The following ZNF518A variants were observed in gnomAD, a reference collection of about 807,000 sequenced individuals.
The protein encoded by ZNF518A is zinc finger protein 518A.
In ZNF518A, 47 loss-of-function variants were observed where a neutral mutation model predicts 102.7. The ratio of observed to expected loss-of-function variants is 0.46; its 90% confidence interval spans 0.36 to 0.58. The LOEUF (loss-of-function observed/expected upper bound fraction) is 0.58. ZNF518A is among the 20% of genes least tolerant of loss of function. ZNF518A has a pLI of 0.00. For synonymous variants in ZNF518A, 652 were observed against 594.6 expected, an observed-to-expected ratio of 1.10 and a Z score of -1.40; for missense variants, 1,793 against 1,699.8, an observed-to-expected ratio of 1.05 and a Z score of -0.96.
intron 3 of ZNF518A, among the ~76,000 whole-genome samples, chr10:96,148,978 G>A (rs2082303969): frequency 6.6e-6 from 1 of 151,996 alleles, no homozygotes; most frequent in South Asian, 2.1e-4. Flanking sequence ...GCCTCCCAGA[G>A]TGCTGGGATT....
chr10:96,156,642 A>G lies in ZNF518A; in HGVS notation c.320A>G (p.Glu107Gly). The change falls in exon 6 of 6, where the codon GAA becomes GGA. Residue 107 changes from glutamate to glycine, a missense_variant. Around this residue, in one of 3 missense-constraint regions of ZNF518A, gnomAD observed 1,741 missense variants for 1,622.6 expected, o/e 1.07. Coordinates refer to ENST00000316045, the MANE Select transcript of ZNF518A (RefSeq NM_001330736.2). ...CTTCATAAGTCTGAGAGAGCTGAAG[A>G]AGAGGGTGTAAAAATGTCTGCAAAA... ...TLLHKSERAE[E>G]EGVKMSAKIL... is the part of the protein sequence containing the mutation. 6.2e-7 allele frequency: 1 copy of G among 1,613,874 alleles called. No individual in the cohort carries two copies. Among genetic ancestry groups the G allele is most frequent in the Non-Finnish European group, 8.5e-7 (1 of 1,179,782 alleles).
At chr10:96,185,556 GTCAGT>G (rs1423650814) in intron 1 of ZNF518A, among the ~76,000 whole-genome samples, 35 of 152,182 alleles carry the variant, frequency 2.3e-4, no homozygotes, top group African/African-American at 8.2e-4. Flanking sequence ...TCCTTGAACA[GTCAGT>G]CCCCTCAGCT....
intron 3 of ZNF518A, among the ~76,000 whole-genome samples, chr10:96,153,589 A>G (rs1455393255): frequency 1.3e-5 from 2 of 152,348 alleles, no homozygotes; most frequent in East Asian, 3.9e-4. Context: ...AAAGATTGAC[A>G]TTCAGCTTTA....
Position 96,159,416 on chromosome 10 carries a change from G to T in ZNF518A, c.3094G>T (p.Gly1032Cys). Residue 1032 changes from glycine (G) to cysteine (C), a missense_variant, in exon 6 of 6, where the codon GGC becomes TGC. By Grantham distance (159) the Gly-to-Cys change is radical. This residue lies in a region of ZNF518A where 1,741 missense variants were observed against 1,622.6 expected (regional missense o/e 1.07). Transcript: ENST00000316045. Reference sequence around the variant, plus strand: ...TACACCTGGACTTTGTTCCAGCATTGGCAGTTGTTTGAGCATGAAAAGTAG... The same window carrying T: ...TACACCTGGACTTTGTTCCAGCATTTGCAGTTGTTTGAGCATGAAAAGTAG... ...CLTPGLCSSIGSCLSMKSSSE... is the reference protein window; with the variant it reads ...CLTPGLCSSICSCLSMKSSSE... The T allele has an allele frequency of 6.2e-7, 1 of 1,613,756 alleles. No individual in the cohort carries two copies. Among genetic ancestry groups the T allele is most frequent in the South Asian group, 1.1e-5 (1 of 91,082 alleles).
In ZNF518A at chr10:96,160,854, T is replaced by C. The variant is rs2082972224; in HGVS notation, c.*80T>C. The C allele has an allele frequency of 4.3e-6, 6 of 1,384,368 alleles. No individual in the cohort carries two copies. In the South Asian group the frequency reaches 8.3e-5, roughly 19 times the overall value. 85.8% of individuals were successfully genotyped at this position (1,384,368 alleles called of 1,614,324 possible). A position where few individuals can be genotyped will look rare whatever the true frequency, so the allele number is the denominator to read the frequency against. On this transcript the variant is annotated 3_prime_UTR_variant, in exon 6 of 6. Coordinates refer to ENST00000316045, the MANE Select transcript of ZNF518A (RefSeq NM_001330736.2). ...GGGTTCAGTTACCATAATGCAGACA[T>C]TTTCTACTTCAGTATAGTACCTGAA...
chr10:96,156,644 G>A lies in ZNF518A; in HGVS notation c.322G>A (p.Glu108Lys), dbSNP rs1195144808. Residue 108 changes from glutamate (E) to lysine (K), a missense_variant, in exon 6 of 6, where the codon GAG (glutamate) becomes AAG (lysine). Physicochemically the swap from Glu to Lys is moderately conservative, Grantham distance 56. This residue lies in a region of ZNF518A where 1,741 missense variants were observed against 1,622.6 expected (regional missense o/e 1.07). Transcript: ENST00000316045. ...LLHKSERAEE[E>K]GVKMSAKILN... Reference sequence around the variant, plus strand: ...TCATAAGTCTGAGAGAGCTGAAGAAGAGGGTGTAAAAATGTCTGCAAAAAT... The same window carrying A: ...TCATAAGTCTGAGAGAGCTGAAGAAAAGGGTGTAAAAATGTCTGCAAAAAT... 6.2e-7 allele frequency: 1 copy of A among 1,613,866 alleles called. No individual in the cohort carries two copies. The highest frequency in any genetic ancestry group is 1.3e-5 in the African/African-American group (1 of 75,050).
chr10:96,159,690 T>A lies in ZNF518A; in HGVS notation c.3368T>A (p.Val1123Asp). 1 of 1,613,278 alleles carries A rather than the reference T, an allele frequency of 6.2e-7. No homozygotes were observed. The highest frequency in any genetic ancestry group is 8.5e-7 in the Non-Finnish European group (1 of 1,179,764). Residue 1123 changes from valine (V) to aspartate (D), a missense_variant, in exon 6 of 6, where the codon GTC (valine) becomes GAC (aspartate). This residue lies in a region of ZNF518A where 1,741 missense variants were observed against 1,622.6 expected (regional missense o/e 1.07). Transcript: ENST00000316045. Reference sequence around the variant, plus strand: ...ACTGAGCTGCTTAAGCCCAAATTAGTCCAAAATAGTACTTATCAAAATATA... The same window carrying A: ...ACTGAGCTGCTTAAGCCCAAATTAGACCAAAATAGTACTTATCAAAATATA... ...NKTELLKPKL[V>D]QNSTYQNIQP...
At chr10:96,201,936 G>A (rs1554896296) in intron 1 of ZNF518A, among the ~76,000 whole-genome samples, 3 of 152,128 alleles carry the variant, frequency 2.0e-5, no homozygotes, top group African/African-American at 7.2e-5. Context: ...ATGCTATGAA[G>A]AAAAATAAAT....
chr10:96,170,127 G>C (rs968706657), intron 1 of ZNF518A, among the ~76,000 whole-genome samples: 2 of 152,106 alleles, frequency 1.3e-5, no homozygotes, highest in African/African-American at 4.8e-5. Flanking sequence ...TACAGCCCTG[G>C]GCATGAGTGT....
Position 96,201,067 on chromosome 10 carries a change from G to T in ZNF518A, n.36-2507G>T, listed in dbSNP as rs2083619954. ...TCCCCCTTCTGTAAATCCTGAAAGG[G>T]ATCAGAAAAGTCCTTCAATTAATCT... On this transcript the variant is annotated intron_variant and non_coding_transcript_variant, in intron 1 of 2. Coordinates refer to the ZNF518A transcript ENST00000442635. The T allele has an allele frequency of 1.2e-6, 2 of 1,611,144 alleles. No homozygotes were observed. Among genetic ancestry groups the T allele is most frequent in the Non-Finnish European group, 8.5e-7 (1 of 1,177,308 alleles).
Position 96,158,193 on chromosome 10 carries a change from A to G in ZNF518A, c.1871A>G (p.Asn624Ser). 6.2e-7 allele frequency: 1 copy of G among 1,613,726 alleles called. No individual in the cohort carries two copies. Among genetic ancestry groups the G allele is most frequent in the Non-Finnish European group, 8.5e-7 (1 of 1,179,740 alleles). ...DMHNYCINYGNCELPVESSNQ... is the reference protein window; with the variant it reads ...DMHNYCINYGSCELPVESSNQ... ...CATAATTATTGCATTAATTATGGCA[A>G]CTGTGAGTTACCTGTTGAATCCTCC... The change falls in exon 6 of 6, where the codon AAC (asparagine) becomes AGC (serine). Residue 624 changes from asparagine (N) to serine (S), a missense_variant. Asn to Ser is a conservative substitution (Grantham distance 46). Transcript: ENST00000316045.
At chr10:96,148,016 T>C (rs2133509700) in intron 3 of ZNF518A, among the ~76,000 whole-genome samples, 1 of 152,328 alleles carries the variant, frequency 6.6e-6, no homozygotes, top group East Asian at 1.9e-4. Context: ...ACCTTTACCT[T>C]ATAGCCCTTC....
At chr10:96,197,098 T>C in intron 1 of ZNF518A, 1 of 1,538,398 alleles carries the variant, frequency 6.5e-7, no homozygotes, top group Non-Finnish European at 8.9e-7. Context: ...TAATTATGGT[T>C]AGTATTACTT....
At chr10:96,185,748 G>C (rs782008117) in intron 1 of ZNF518A, among the ~76,000 whole-genome samples, 2 of 152,204 alleles carry the variant, frequency 1.3e-5, no homozygotes, top group Non-Finnish European at 2.9e-5. Context: ...GTGTCTCCCA[G>C]TTAGGCTACA....
chr10:96,204,129 A>G (rs1554896869), exon 3 of ZNF518A: 3 of 1,610,982 alleles, frequency 1.9e-6, no homozygotes, highest in East Asian at 2.2e-5. Context: ...ACAAAGCACA[A>G]TATGAGTAAG....
intron 1 of ZNF518A, among the ~76,000 whole-genome samples, chr10:96,198,627 A>T (rs1027376758): frequency 1.3e-5 from 2 of 152,200 alleles, no homozygotes; most frequent in African/African-American, 4.8e-5. Flanking sequence ...TTCAAACTCA[A>T]ATTAAGGATT....
chr10:96,143,242 C>A (rs1444058765), intron 3 of ZNF518A, among the ~76,000 whole-genome samples: 4 of 151,904 alleles, frequency 2.6e-5, no homozygotes. Flanking sequence ...TGTCTAGTAC[C>A]CTTCTAATAT....
At chr10:96,175,234 A>C (rs2083195994) in intron 1 of ZNF518A, among the ~76,000 whole-genome samples, 1 of 152,228 alleles carries the variant, frequency 6.6e-6, no homozygotes, top group Admixed American at 6.5e-5. Context: ...ATATAGATGC[A>C]ATAAAGACTA....
chr10:96,159,254 A>G lies in ZNF518A; in HGVS notation c.2932A>G (p.Met978Val), dbSNP rs41291604. 73,448 of 1,613,588 alleles carry G rather than the reference A, an allele frequency of 0.046. 2,435 individuals are homozygous for G. Among genetic ancestry groups the G allele is most frequent in the Admixed American group, 0.13 (8,052 of 59,964 alleles). ...TCTTTTTGTAAACAAGAAACCTGGG[A>G]TGGTTTTAACACTTAATAATGGGAA... ...ASLFVNKKPG[M>V]VLTLNNGKLE... Residue 978 changes from methionine (M) to valine (V), a missense_variant, in exon 6 of 6, where the codon ATG (methionine) becomes GTG (valine). Around this residue, in one of 3 missense-constraint regions of ZNF518A, gnomAD observed 1,741 missense variants for 1,622.6 expected, o/e 1.07. Coordinates refer to ENST00000316045, the MANE Select transcript of ZNF518A (RefSeq NM_001330736.2).
Sources: allele counts gnomAD v4.1 joint callset (sites outside exome capture counted in the v4.1 genomes callset), GRCh38; gene constraint gnomAD v4.1.1; regional missense constraint gnomAD v4.1.1; transcripts MANE v1.5; gene names NCBI Gene and HGNC (gene_info 2026-07-23, HGNC 2026-07-21).